QKI: variants seen among roughly 807,000 people sequenced by gnomAD.
QKI encodes KH domain-containing RNA-binding protein QKI.
In QKI, 10 loss-of-function variants were observed where a neutral mutation model predicts 39.0. That is an observed-to-expected ratio of 0.26 (90% confidence interval 0.16 to 0.43). QKI has a LOEUF of 0.43. Among genes scored for constraint, QKI ranks in the 20% least tolerant of loss-of-function variants. QKI has a pLI of 1.00. For synonymous variants in QKI, 204 were observed against 155.4 expected (o/e 1.31, Z -2.33); for missense variants, 218 against 428.0 (o/e 0.51, Z 4.33).
chr6:163,535,176 G>C (rs766581623), intron 4 of QKI, 51 bp downstream of exon 4: 109 of 1,489,266 alleles, frequency 7.3e-5, no homozygotes, highest in Non-Finnish European at 9.2e-5. Context: ...TTTTTTGTCA[G>C]TTTATTTTAA....
At chr6:163,484,231 C>G (rs1471040784) in intron 3 of QKI, among the ~76,000 whole-genome samples, 1 of 149,388 alleles carries the variant, frequency 6.7e-6, no homozygotes, top group Non-Finnish European at 1.5e-5. Flanking sequence ...AAGACAGAGT[C>G]TCACTCTACC....
chr6:163,503,556 A>G (rs1355894634), intron 3 of QKI, among the ~76,000 whole-genome samples: 1 of 151,970 alleles, frequency 6.6e-6, no homozygotes, highest in Admixed American at 6.6e-5. Context: ...TGCTGTGCGG[A>G]AACTCTTTAG....
Position 163,471,320 on chromosome 6 carries a change from A to G in QKI, c.286-7460A>G, listed in dbSNP as rs56849500. On this transcript the variant is annotated intron_variant, in intron 2 of 7. Coordinates refer to ENST00000361752, the MANE Select transcript of QKI (RefSeq NM_006775.3). ...TTCATTACTAGAAGACGTTCACTAA[A>G]GGAAATGCTGAAGGTTGTTTTTCAG... is the stretch of plus-strand genomic sequence containing the variant. Among the ~76,000 whole-genome samples, 297 of 152,312 alleles carry G rather than the reference A, an allele frequency of 1.9e-3. 5 individuals are homozygous for G. The East Asian group carries it at 0.051, about 26-fold the overall frequency.
intron 7 of QKI, chr6:163,567,294 G>T (rs1455777476): frequency 2.0e-6 from 2 of 986,202 alleles, no homozygotes; most frequent in East Asian, 2.3e-4. Flanking sequence ...GTATAAACAT[G>T]AGGGTGCACA....
chr6:163,566,732 A>G lies in QKI; in HGVS notation c.946A>G (p.Thr316Ala), dbSNP rs758611767. Reference sequence around the variant, plus strand: ...TGCAATTTAACTAGGTGCGGTGGCTACTAAAGTTCGAAGGCACGATATGCG... The same window carrying G: ...TGCAATTTAACTAGGTGCGGTGGCTGCTAAAGTTCGAAGGCACGATATGCG... ...EPSGVLGAVA[T>A]KVRRHDMRVH... The change falls in exon 7 of 8, where the codon ACT becomes GCT. Residue 316 changes from threonine (T) to alanine (A), a missense_variant. By Grantham distance (58) the Thr-to-Ala change is moderately conservative (BLOSUM62 0). Transcript: ENST00000361752. 1 of 1,613,770 alleles carries G rather than the reference A, an allele frequency of 6.2e-7. No homozygotes were observed. The highest frequency in any genetic ancestry group is 1.1e-5 in the South Asian group (1 of 91,028).
chr6:163,569,609 A>G (rs1783585358), intron 7 of QKI: 2 of 1,015,678 alleles, frequency 2.0e-6, no homozygotes, highest in South Asian at 3.7e-5. Context: ...ATTGGGAATG[A>G]TAACTTTTCC....
At chr6:163,543,235 G>A (rs1382180498) in intron 4 of QKI, among the ~76,000 whole-genome samples, 1 of 152,004 alleles carries the variant, frequency 6.6e-6, no homozygotes, top group Non-Finnish European at 1.5e-5. Context: ...ATTGATCATT[G>A]AAATTTGTGG....
intron 2 of QKI, among the ~76,000 whole-genome samples, chr6:163,468,138 A>AAT (rs150765044): frequency 0.019 from 2,959 of 152,264 alleles, 89 homozygotes; most frequent in African/African-American, 0.067. Flanking sequence ...GACTTCAGAA[A>AAT]ATATACATAT....
chr6:163,450,014 AACATATATATACACAC>A (rs1423932819), intron 1 of QKI, among the ~76,000 whole-genome samples: 1 of 151,962 alleles, frequency 6.6e-6, no homozygotes, highest in African/African-American at 2.4e-5. Context: ...ATATATGTAT[AACATATATATACACAC>A]ACATATATAT....
At position 163,539,314 on chromosome 6, in the gene QKI, T is replaced by TC. The variant is rs1408815493; in HGVS notation, c.546+4189_546+4190insC. Among the ~76,000 whole-genome samples the TC allele has an allele frequency of 2.6e-5, 4 of 152,264 alleles. No individual in the cohort carries two copies. The East Asian group carries it at 5.8e-4, about 22-fold the overall frequency. ...TCATTGGTGACCTTGCCAGTCAATT[T>TC]GTTTTTTTTGGAACAGTGGGGTTAA... On this transcript the variant is annotated intron_variant, in intron 4 of 7. Coordinates refer to ENST00000361752, the MANE Select transcript of QKI (RefSeq NM_006775.3).
intron 1 of QKI, among the ~76,000 whole-genome samples, chr6:163,450,207 G>A (rs1042880311): frequency 2.0e-5 from 3 of 151,934 alleles, no homozygotes; most frequent in Non-Finnish European, 4.4e-5. Flanking sequence ...ACAGGTGCCT[G>A]CCACCACACC....
rs145244550 is a variant in QKI at position 163,418,770 on chromosome 6, C to T, written c.142+3435C>T. On this transcript the variant is annotated intron_variant, in intron 1 of 7. Coordinates refer to ENST00000361752, the MANE Select transcript of QKI (RefSeq NM_006775.3). ...TTTTAAAAAAACAGACTTTTCTTGT[C>T]ATGAGAATGAAACAACAGTAGTTGA... Among the ~76,000 whole-genome samples the T allele has an allele frequency of 7.9e-5, 12 of 152,148 alleles. No homozygotes were observed. In the East Asian group the frequency reaches 2.3e-3, roughly 29 times the overall value.
At chr6:163,463,208 G>A (rs78080967) in intron 2 of QKI, among the ~76,000 whole-genome samples, 1,851 of 152,098 alleles carry the variant, frequency 0.012, 33 homozygotes, top group African/African-American at 0.042. Context: ...TTGTTATCAG[G>A]GTATATGTTA....
At chr6:163,428,254 CTAGTT>C (rs1421343050) in intron 1 of QKI, among the ~76,000 whole-genome samples, 2 of 152,104 alleles carry the variant, frequency 1.3e-5, no homozygotes, top group Non-Finnish European at 1.5e-5. Flanking sequence ...TTAAATGTAA[CTAGTT>C]TAGTACATCA....
chr6:163,483,343 G>A (rs1793225981), intron 3 of QKI, among the ~76,000 whole-genome samples: 1 of 152,092 alleles, frequency 6.6e-6, no homozygotes, highest in South Asian at 2.1e-4. Flanking sequence ...TGACTGTGAC[G>A]ATTGCTTAAA....
At chr6:163,528,671 C>A (rs1352297045) in intron 3 of QKI, among the ~76,000 whole-genome samples, 1 of 152,068 alleles carries the variant, frequency 6.6e-6, no homozygotes, top group Non-Finnish European at 1.5e-5. Flanking sequence ...ATTTATCTCA[C>A]CATAGTATAC....
At chr6:163,567,082 G>A (rs1212344264) in intron 7 of QKI, 5 of 1,065,708 alleles carry the variant, frequency 4.7e-6, no homozygotes, top group African/African-American at 3.4e-5. Context: ...AAATTTTGAT[G>A]TTGCCTCAGT....
chr6:163,565,426 A>G (rs1783303780), intron 6 of QKI: 2 of 986,148 alleles, frequency 2.0e-6, no homozygotes, highest in Non-Finnish European at 1.2e-6. Context: ...TTGTACTTGT[A>G]TATGATTACC....
At chr6:163,497,419 G>C (rs993739145) in intron 3 of QKI, among the ~76,000 whole-genome samples, 1 of 151,776 alleles carries the variant, frequency 6.6e-6, no homozygotes, top group African/African-American at 2.4e-5. Flanking sequence ...ACTTTTTTCT[G>C]TATGTTAAAA....
Sources: allele counts gnomAD v4.1 joint callset (sites outside exome capture counted in the v4.1 genomes callset), GRCh38; gene constraint gnomAD v4.1.1; transcripts MANE v1.5; gene names NCBI Gene and HGNC (gene_info 2026-07-23, HGNC 2026-07-21).